The following CEP135 variants were observed in gnomAD, a reference collection of about 807,000 sequenced individuals.
The protein encoded by CEP135 is centrosomal protein of 135 kDa.
A neutral mutation model predicts 157.3 loss-of-function variants in CEP135; 142 were observed. The observed-to-expected ratio is 0.90, with a 90% CI of 0.79 to 1.04. The LOEUF (loss-of-function observed/expected upper bound fraction) is 1.04. Ranked by LOEUF, CEP135 falls within the 50% of genes least tolerant of loss-of-function variation. CEP135 has a pLI of 0.00. For synonymous variants in CEP135, 396 were observed against 439.8 expected (o/e 0.90, Z 1.25); for missense variants, 1,317 against 1,309.2 (o/e 1.01, Z -0.09).
At chr4:56,024,451 AT>A in intron 24 of CEP135, 49 bp from the exon 25 acceptor site, 1 of 1,380,876 alleles carries the variant, frequency 7.2e-7, no homozygotes, top group South Asian at 1.2e-5. Context: ...CCACTTTTTG[AT>A]TTTCCCTGGT....
intron 6 of CEP135, 60 bp downstream of exon 6, chr4:55,959,826 A>T: frequency 7.7e-7 from 1 of 1,295,694 alleles, no homozygotes; most frequent in Non-Finnish European, 1.1e-6. Context: ...GATTGTAAAT[A>T]GAATTGGGTT....
intron 8 of CEP135, among the ~76,000 whole-genome samples, chr4:55,968,821 T>TACAA (rs1173361362): frequency 6.6e-6 from 1 of 152,172 alleles, no homozygotes; most frequent in Non-Finnish European, 1.5e-5. Flanking sequence ...AGGAAGATCC[T>TACAA]ACAAGATGCT....
At chr4:56,022,301 C>T (rs1183958953) in intron 24 of CEP135, among the ~76,000 whole-genome samples, 1 of 152,164 alleles carries the variant, frequency 6.6e-6, no homozygotes, top group Non-Finnish European at 1.5e-5. Context: ...CCATGTCTTT[C>T]TTGCTCTTTA....
chr4:55,957,107 C>A, intron 4 of CEP135, 116 bp from the exon 5 acceptor site: 1 of 1,019,542 alleles, frequency 9.8e-7, no homozygotes, highest in East Asian at 2.5e-5. Context: ...AATATTTTGT[C>A]AATATGTATT....
intron 5 of CEP135, 23 bp downstream of exon 5, chr4:55,957,387 G>T: frequency 6.2e-7 from 1 of 1,602,004 alleles, no homozygotes; most frequent in Non-Finnish European, 8.5e-7. Flanking sequence ...ATTCTTTCTT[G>T]GCTTGAGTTA....
At chr4:56,015,157 T>G (rs553732857) in intron 21 of CEP135, among the ~76,000 whole-genome samples, 14 of 152,324 alleles carry the variant, frequency 9.2e-5, no homozygotes, top group East Asian at 1.9e-4. Context: ...AGATTAGATA[T>G]GTGACTCATG....
Position 56,032,508 on chromosome 4 carries a change from A to G in CEP135, c.*1160A>G, listed in dbSNP as rs1230861241. On this transcript the variant is annotated 3_prime_UTR_variant, in exon 26 of 26. Coordinates refer to ENST00000257287, the MANE Select transcript of CEP135 (RefSeq NM_025009.5). ...GTAAAACGTTTTGTTAAATTCCAATATACATTCAGTGATACCACTCTTTTT... is the reference window on the plus strand; with the variant it reads ...GTAAAACGTTTTGTTAAATTCCAATGTACATTCAGTGATACCACTCTTTTT... 3.3e-5 allele frequency: 5 copies of G among 152,226 alleles called. No individual in the cohort carries two copies. Among genetic ancestry groups the G allele is most frequent in the Non-Finnish European group, 5.9e-5 (4 of 68,012 alleles). The allele number at this position is 152,226 out of a possible 1,614,324, so 9.4% of individuals were successfully genotyped here.
chr4:56,011,306 C>G, intron 19 of CEP135, 106 bp from the exon 20 acceptor site: 1 of 734,466 alleles, frequency 1.4e-6, no homozygotes. Context: ...TTTCCTTTTG[C>G]CCTACTCTAT....
intron 12 of CEP135, among the ~76,000 whole-genome samples, chr4:55,980,590 A>G (rs12331407): frequency 7.2e-4 from 109 of 152,298 alleles, no homozygotes; most frequent in African/African-American, 2.6e-3. Flanking sequence ...AGCCAAATTT[A>G]TGCTTGGAAT....
chr4:55,984,630 A>G (rs1442467487), intron 13 of CEP135, among the ~76,000 whole-genome samples: 1 of 152,210 alleles, frequency 6.6e-6, no homozygotes, highest in African/African-American at 2.4e-5. Flanking sequence ...TGACCCTTTC[A>G]ACCAAATGTG....
Position 56,009,884 on chromosome 4 carries a change from C to T in CEP135, c.2486C>T (p.Thr829Ile), listed in dbSNP as rs1432536973. The T allele has an allele frequency of 1.9e-6, 3 of 1,613,162 alleles. No homozygotes were observed. Among genetic ancestry groups the T allele is most frequent in the Non-Finnish European group, 2.5e-6 (3 of 1,179,814 alleles). Residue 829 changes from threonine to isoleucine, a missense_variant, in exon 19 of 26, where the codon ACA (threonine) becomes ATA (isoleucine). Physicochemically the swap from Thr to Ile is moderately conservative, Grantham distance 89. Transcript: ENST00000257287. ...ENRRLQDDLA[T>I]MARENQEISL... is the part of the protein sequence containing the mutation. Reference sequence around the variant, plus strand: ...AGAAGACTGCAAGATGACCTGGCTACAATGGCAAGAGAAAATCAAGTATGA... The same window carrying T: ...AGAAGACTGCAAGATGACCTGGCTATAATGGCAAGAGAAAATCAAGTATGA...
chr4:56,008,721 A>G (rs1393614815), intron 18 of CEP135, among the ~76,000 whole-genome samples: 3 of 152,172 alleles, frequency 2.0e-5, no homozygotes, highest in South Asian at 4.1e-4. Context: ...ATCTAAACCT[A>G]TCTTGAGCAC....
chr4:55,958,214 C>T (rs1356684807), intron 5 of CEP135, among the ~76,000 whole-genome samples: 3 of 151,990 alleles, frequency 2.0e-5, no homozygotes, highest in Non-Finnish European at 2.9e-5. Flanking sequence ...GCAGGAGGAT[C>T]GCTTGAACCC....
intron 8 of CEP135, chr4:55,966,110 T>G: frequency 2.6e-6 from 1 of 381,262 alleles, no homozygotes; most frequent in Non-Finnish European, 4.7e-6. Context: ...AACTCTAGTC[T>G]GTTTTCCTTC....
chr4:55,991,381 C>G (rs1468574226), intron 14 of CEP135, among the ~76,000 whole-genome samples: 1 of 141,754 alleles, frequency 7.1e-6, no homozygotes, highest in Non-Finnish European at 1.5e-5. Context: ...TTTTAAAAAG[C>G]TTGTGTTAGA....
intron 13 of CEP135, among the ~76,000 whole-genome samples, chr4:55,982,703 CA>C (rs1339860068): frequency 6.6e-6 from 1 of 152,128 alleles, no homozygotes; most frequent in Non-Finnish European, 1.5e-5. Context: ...TACTTTCCCC[CA>C]TTCTGTGGGT....
chr4:56,006,665 G>A (rs957634060), intron 17 of CEP135, among the ~76,000 whole-genome samples: 2 of 152,112 alleles, frequency 1.3e-5, no homozygotes, highest in Admixed American at 6.6e-5. Flanking sequence ...TGAATTTTCT[G>A]TGTTATCTTG....
At chr4:56,030,962 G>A (rs1004785295) in intron 25 of CEP135, among the ~76,000 whole-genome samples, 1 of 151,936 alleles carries the variant, frequency 6.6e-6, no homozygotes, top group African/African-American at 2.4e-5. Context: ...AAACAACATC[G>A]TAAGACCTCA....
chr4:55,980,228 A>C lies in CEP135; in HGVS notation c.1559A>C (p.Glu520Ala). The C allele has an allele frequency of 6.3e-7, 1 of 1,584,614 alleles. No individual in the cohort carries two copies. Among genetic ancestry groups the C allele is most frequent in the Middle Eastern group, 1.7e-4 (1 of 5,994 alleles). ...CTAGAAAGATTTGAAAAATATATGG[A>C]AGATATACAGTCCAATGTTAAATTA... The part of the protein sequence containing the change: ...RMLERFEKYM[E>A]DIQSNVKLLT... Residue 520 changes from glutamate to alanine, a missense_variant, in exon 12 of 26, where the codon GAA (glutamate) becomes GCA (alanine). Transcript: ENST00000257287.
Sources: allele counts gnomAD v4.1 joint callset (sites outside exome capture counted in the v4.1 genomes callset), GRCh38; gene constraint gnomAD v4.1.1; transcripts MANE v1.5; gene names NCBI Gene and HGNC (gene_info 2026-07-23, HGNC 2026-07-21).